The following PPFIA4 variants were observed in gnomAD, a reference collection of about 807,000 sequenced individuals.
PPFIA4 encodes PPFI scaffold protein A4.
Under a neutral mutation model 145.7 loss-of-function variants are expected in PPFIA4, and 98 were observed. The ratio of observed to expected loss-of-function variants is 0.67; its 90% confidence interval spans 0.57 to 0.80. The LOEUF is 0.80. Ranked by LOEUF, PPFIA4 falls within the 30% of genes least tolerant of loss-of-function variation. PPFIA4 has a pLI of 0.00. For missense variants in PPFIA4, 1,457 were observed against 1,632.7 expected, an observed-to-expected ratio of 0.89 and a Z score of 1.85; for synonymous variants, 628 against 649.6, an observed-to-expected ratio of 0.97 and a Z score of 0.51.
chr1:203,075,724 C>A lies in PPFIA4; in HGVS notation c.3541C>A (p.Pro1181Thr). 7.2e-7 allele frequency: 1 copy of A among 1,390,812 alleles called. No individual in the cohort carries two copies. Among genetic ancestry groups the A allele is most frequent in the Non-Finnish European group, 9.4e-7 (1 of 1,066,036 alleles). The allele number at this position is 1,390,812 out of a possible 1,614,324, so 86.2% of individuals were successfully genotyped here. The change falls in exon 29 of 30, where the codon CCA becomes ACA. Residue 1181 changes from proline to threonine, a missense_variant. Pro to Thr is a conservative substitution (Grantham distance 38). Coordinates refer to ENST00000295706, the MANE Select transcript of PPFIA4 (RefSeq NM_001304331.2). The surrounding 1 kb of genome is among the most constrained non-coding windows in gnomAD (Gnocchi z 4.1). ...GTCCACCCTGGGGACCCTGCAGCCCCCACCGGCCCCGCCAAAGAAGATCAT... is the reference window on the plus strand; with the variant it reads ...GTCCACCCTGGGGACCCTGCAGCCCACACCGGCCCCGCCAAAGAAGATCAT... The part of the protein sequence containing the change: ...RVSTLGTLQP[P>T]PAPPKKIMPE...
intron 27 of PPFIA4, among the ~76,000 whole-genome samples, chr1:203,070,408 C>T (rs773381882): frequency 5.3e-5 from 8 of 151,828 alleles, no homozygotes; most frequent in African/African-American, 1.9e-4. Flanking sequence ...TAGTGAGACC[C>T]AGTCTCTACA....
In PPFIA4 at chr1:203,045,767, TG is replaced by T. The variant is rs1558074700; in HGVS notation, c.859-71del. On this transcript the variant is annotated intron_variant, in intron 7 of 29. Coordinates refer to ENST00000295706, the MANE Select transcript of PPFIA4 (RefSeq NM_001304331.2). ...TTAATGGGTTCCAATCAGCCAGGTG[TG>T]GGTGGGGAGGTGTAGACAGGATGGG... The T allele has an allele frequency of 5.3e-5, 85 of 1,600,742 alleles. 1 individual carries two copies. Among genetic ancestry groups the T allele is most frequent in the Middle Eastern group, 3.3e-4 (2 of 5,976 alleles).
At chr1:203,061,810 A>C in intron 24 of PPFIA4, 132 bp downstream of exon 24, 1 of 912,736 alleles carries the variant, frequency 1.1e-6, no homozygotes. Flanking sequence ...CTCTGCTCCC[A>C]TCAGAGTGCC....
At chr1:203,072,842 A>AT (rs375542659) in intron 28 of PPFIA4, among the ~76,000 whole-genome samples, 8 of 151,888 alleles carry the variant, frequency 5.3e-5, no homozygotes, top group East Asian at 1.9e-4. Context: ...TTATATATGT[A>AT]TTTTTTTTGG....
In PPFIA4 at chr1:203,053,888, A is replaced by G; in HGVS notation, c.1756A>G (p.Ser586Gly). Residue 586 changes from serine to glycine, a missense_variant, in exon 15 of 30, where the codon AGC (serine) becomes GGC (glycine). By Grantham distance (56) the Ser-to-Gly change is moderately conservative (BLOSUM62 0). Around this residue, in one of 3 missense-constraint regions of PPFIA4, gnomAD observed 848 missense variants for 1,046.7 expected, o/e 0.81. Coordinates refer to ENST00000295706, the MANE Select transcript of PPFIA4 (RefSeq NM_001304331.2). ...GGGCTCTGCGGATGTTGTCTCCCCC[A>G]GCGGCCACTCAGATGCCCAGACCCT... Reference protein sequence around the residue: ...LVGSADVVSPSGHSDAQTLAM... With the variant: ...LVGSADVVSPGGHSDAQTLAM... The G allele has an allele frequency of 6.4e-7, 1 of 1,563,594 alleles. No individual in the cohort carries two copies. Among genetic ancestry groups the G allele is most frequent in the Non-Finnish European group, 8.7e-7 (1 of 1,153,446 alleles).
At chr1:203,035,668 A>C in intron 1 of PPFIA4, 1 of 456,596 alleles carries the variant, frequency 2.2e-6, no homozygotes, top group Non-Finnish European at 4.4e-6. Flanking sequence ...ATTGTGCGGG[A>C]GTTGAGGAGG....
chr1:203,031,514 A>C (rs967940590), intron 1 of PPFIA4, among the ~76,000 whole-genome samples: 2 of 151,974 alleles, frequency 1.3e-5, no homozygotes, highest in African/African-American at 2.4e-5. Context: ...ACTAATGCAC[A>C]TTTTTTATGA....
chr1:203,044,157 C>T, intron 4 of PPFIA4, 62 bp downstream of exon 4: 1 of 1,488,380 alleles, frequency 6.7e-7, no homozygotes, highest in Non-Finnish European at 9.0e-7. Flanking sequence ...CCCATGTATC[C>T]CTTCTCTGAG....
At chr1:203,045,612 G>C (rs1660024283) in intron 7 of PPFIA4, 53 bp downstream of exon 7, 2 of 1,500,638 alleles carry the variant, frequency 1.3e-6, no homozygotes, top group African/African-American at 2.8e-5. Context: ...CGTGTGGAGG[G>C]AGAGCCAGGC....
chr1:203,054,035 A>C, intron 15 of PPFIA4, 74 bp downstream of exon 15: 1 of 1,468,786 alleles, frequency 6.8e-7, no homozygotes, highest in Non-Finnish European at 9.2e-7. Context: ...AAAACCCTAT[A>C]TGGGTTTGCC....
intron 1 of PPFIA4, chr1:203,035,604 T>C: frequency 2.2e-6 from 1 of 456,830 alleles, no homozygotes. Context: ...AATGCTTGCT[T>C]TGGGGACTGG....
intron 1 of PPFIA4, among the ~76,000 whole-genome samples, chr1:203,030,728 C>T (rs1353207451): frequency 6.6e-6 from 1 of 152,222 alleles, no homozygotes; most frequent in South Asian, 2.1e-4. Flanking sequence ...TACGCTGTCT[C>T]ATGAGCAGCA....
intron 24 of PPFIA4, chr1:203,063,616 C>CATTAAATA: frequency 1.9e-6 from 1 of 533,896 alleles, no homozygotes; most frequent in Non-Finnish European, 3.3e-6. Context: ...GGAACCGTAT[C>CATTAAATA]ATTTCGAGAT....
Position 203,075,534 on chromosome 1 carries a change from T to C in PPFIA4, c.3394-43T>C. The C allele has an allele frequency of 1.5e-6, 2 of 1,356,594 alleles. No homozygotes were observed. The highest frequency in any genetic ancestry group is 1.9e-6 in the Non-Finnish European group (2 of 1,048,458). 84.0% of individuals were successfully genotyped at this position (1,356,594 alleles called of 1,614,324 possible). ...TCCAGGCAGGGCGTGAGGATGGCAATTCCAACAGGGCCCTCGGGCCTCTGG... is the reference window on the plus strand; with the variant it reads ...TCCAGGCAGGGCGTGAGGATGGCAACTCCAACAGGGCCCTCGGGCCTCTGG... On this transcript the variant is annotated intron_variant, in intron 28 of 29. Coordinates refer to ENST00000295706, the MANE Select transcript of PPFIA4 (RefSeq NM_001304331.2). This position sits in a 1 kb window ranked among gnomAD's most constrained non-coding sequence, Gnocchi z 4.1.
chr1:203,074,145 CA>C (rs1215709658), intron 28 of PPFIA4, among the ~76,000 whole-genome samples: 1 of 152,116 alleles, frequency 6.6e-6, no homozygotes, highest in Non-Finnish European at 1.5e-5. Flanking sequence ...GAGATACAGT[CA>C]TGCATGGCTT....
chr1:203,076,314 C>T, intron 29 of PPFIA4, 27 bp from the exon 30 acceptor site: 1 of 1,599,314 alleles, frequency 6.3e-7, no homozygotes, highest in Non-Finnish European at 8.5e-7. Context: ...CCTCACAGTG[C>T]GATGCCTGTC....
At chr1:203,062,012 AACTGAG>A (rs1661397216) in intron 24 of PPFIA4, among the ~76,000 whole-genome samples, 1 of 152,180 alleles carries the variant, frequency 6.6e-6, no homozygotes, top group African/African-American at 2.4e-5. Context: ...CACCCTGGTG[AACTGAG>A]CGAAGGTCTT....
intron 27 of PPFIA4, among the ~76,000 whole-genome samples, chr1:203,069,466 C>G (rs375929692): frequency 8.1e-4 from 124 of 152,332 alleles, no homozygotes; most frequent in African/African-American, 2.9e-3. Context: ...CCTCTGGGCC[C>G]AAGCCTTTGT....
intron 25 of PPFIA4, 118 bp downstream of exon 25, chr1:203,064,121 A>C: frequency 9.2e-7 from 1 of 1,089,618 alleles, no homozygotes; most frequent in Non-Finnish European, 1.3e-6. Context: ...CTGAGTGGCA[A>C]CAGGTCTCCC....
Sources: gnomAD v4.1 joint callset for allele counts (sites outside exome capture counted in the v4.1 genomes callset) on GRCh38, gnomAD v4.1.1 for gene constraint, gnomAD v4.1.1 regional missense constraint, Gnocchi (gnomAD v3.1) non-coding constraint, MANE v1.5 for transcripts, NCBI Gene and HGNC (gene_info 2026-07-23, HGNC 2026-07-21) for gene names.